Variants in ELAVL2 observed in about 807,000 individuals in gnomAD.
ELAVL2 encodes the protein ELAV-like protein 2.
In ELAVL2, 4 loss-of-function variants were observed where a neutral mutation model predicts 34.6. That is an observed-to-expected ratio of 0.12 (90% confidence interval 0.06 to 0.26). The LOEUF is 0.26. Among genes scored for constraint, ELAVL2 ranks in the 10% least tolerant of loss-of-function variants. ELAVL2 has a pLI of 1.00. For synonymous variants in ELAVL2, 193 were observed against 154.8 expected (o/e 1.25, Z -1.83); for missense variants, 432 against 442.8 (o/e 0.98, Z 0.22).
chr9:23,759,739 A>G (rs990905538), intron 2 of ELAVL2, among the ~76,000 whole-genome samples: 5 of 117,978 alleles, frequency 4.2e-5, no homozygotes, highest in African/African-American at 1.7e-4. Context: ...ATATGTGTAT[A>G]CATCATATAT....
intron 1 of ELAVL2, among the ~76,000 whole-genome samples, chr9:23,784,442 T>TA (rs2059443339): frequency 6.6e-6 from 1 of 152,162 alleles, no homozygotes; most frequent in Non-Finnish European, 1.5e-5. Flanking sequence ...CATGACTACA[T>TA]ATATGTAATA....
chr9:23,803,428 GTTTTTCAC>G (rs2061811379), intron 1 of ELAVL2, among the ~76,000 whole-genome samples: 1 of 152,184 alleles, frequency 6.6e-6, no homozygotes, highest in East Asian at 1.9e-4. Context: ...GCCAGAAGCA[GTTTTTCAC>G]TTTCATTTGG....
intron 2 of ELAVL2, among the ~76,000 whole-genome samples, chr9:23,755,734 T>C (rs1053517639): frequency 2.6e-5 from 4 of 152,132 alleles, no homozygotes; most frequent in African/African-American, 9.7e-5. Flanking sequence ...CCTACAGACC[T>C]AAGAACACAC....
intron 2 of ELAVL2, among the ~76,000 whole-genome samples, chr9:23,752,063 T>G (rs2052204797): frequency 6.6e-6 from 1 of 152,160 alleles, no homozygotes; most frequent in African/African-American, 2.4e-5. Context: ...ACAACAGATC[T>G]ACTTCAAGAT....
chr9:23,704,656 T>A (rs1210194607), intron 4 of ELAVL2, among the ~76,000 whole-genome samples: 2 of 152,148 alleles, frequency 1.3e-5, no homozygotes, highest in African/African-American at 2.4e-5. Context: ...GATTATAGCA[T>A]CTATAAATTT....
chr9:23,786,020 T>C (rs72693558), intron 1 of ELAVL2, among the ~76,000 whole-genome samples: 20,124 of 152,174 alleles, frequency 0.13, 1,720 homozygotes, highest in South Asian at 0.25. Context: ...GATGCTACAT[T>C]CTATTTTGTA....
rs1161049145 is a variant in ELAVL2, at chr9:23,691,264, T to A, written c.*1293A>T. 5 of 152,420 alleles carry A rather than the reference T, an allele frequency of 3.3e-5. No homozygotes were observed. Among genetic ancestry groups the A allele is most frequent in the African/African-American group, 4.8e-5 (2 of 41,380 alleles). The allele number at this position is 152,420 out of a possible 1,614,324, so 9.4% of individuals were successfully genotyped here. On this transcript the variant is annotated 3_prime_UTR_variant, in exon 7 of 7. Coordinates refer to ENST00000397312, the MANE Select transcript of ELAVL2 (RefSeq NM_004432.5). ...CACTTGGCATGTAAGGGAAAAAAAATTAAATTAGCTGAAAGGTTCATAAAC... is the reference window on the plus strand; with the variant it reads ...CACTTGGCATGTAAGGGAAAAAAAAATAAATTAGCTGAAAGGTTCATAAAC...
intron 2 of ELAVL2, among the ~76,000 whole-genome samples, chr9:23,749,247 C>CT (rs1445072364): frequency 1.3e-5 from 2 of 152,016 alleles, no homozygotes; most frequent in African/African-American, 4.8e-5. Flanking sequence ...ATCTAACATA[C>CT]TATCATTAAT....
At chr9:23,847,006 A>C in the ELAVL2 span, among the ~76,000 whole-genome samples, 1 of 152,114 alleles carries the variant, frequency 6.6e-6, no homozygotes, top group Non-Finnish European at 1.5e-5. Context: ...TAGGTGAAAT[A>C]AAAGCTACCA....
At chr9:23,746,349 T>C (rs1389181426) in intron 2 of ELAVL2, among the ~76,000 whole-genome samples, 3 of 152,074 alleles carry the variant, frequency 2.0e-5, no homozygotes, top group African/African-American at 7.2e-5. Flanking sequence ...AGATAAAAAA[T>C]ATGAATTACA....
At chr9:23,797,757 C>A (rs1438992289) in intron 1 of ELAVL2, among the ~76,000 whole-genome samples, 1 of 151,974 alleles carries the variant, frequency 6.6e-6, no homozygotes, top group Non-Finnish European at 1.5e-5. Context: ...GAGAAAACCC[C>A]GCCTCTGCTA....
At chr9:23,799,822 T>G (rs1227616568) in intron 1 of ELAVL2, among the ~76,000 whole-genome samples, 2 of 152,308 alleles carry the variant, frequency 1.3e-5, no homozygotes, top group East Asian at 3.9e-4. Context: ...CTGAAAGGGC[T>G]CTATTTACCA....
chr9:23,841,532 A>C, the ELAVL2 span, among the ~76,000 whole-genome samples: 1 of 152,230 alleles, frequency 6.6e-6, no homozygotes, highest in Non-Finnish European at 1.5e-5. Context: ...GGGCTCATTG[A>C]GACAATACTT....
chr9:23,699,570 A>G (rs545874772), intron 5 of ELAVL2, among the ~76,000 whole-genome samples: 1 of 152,360 alleles, frequency 6.6e-6, no homozygotes, highest in East Asian at 1.9e-4. Context: ...TAACTGGACA[A>G]GCTGCCTAGG....
intron 1 of ELAVL2, among the ~76,000 whole-genome samples, chr9:23,786,822 A>G (rs1208494810): frequency 6.6e-6 from 1 of 150,764 alleles, no homozygotes; most frequent in Non-Finnish European, 1.5e-5. Context: ...GAGAAAGGAA[A>G]GCCTTTTAAA....
intron 1 of ELAVL2, among the ~76,000 whole-genome samples, chr9:23,789,387 T>G (rs575938241): frequency 3.9e-5 from 6 of 152,296 alleles, no homozygotes; most frequent in African/African-American, 9.6e-5. Context: ...TTTATTAAAT[T>G]TATGCTACAT....
At chr9:23,752,773 C>T (rs767414756) in intron 2 of ELAVL2, among the ~76,000 whole-genome samples, 143 of 152,230 alleles carry the variant, frequency 9.4e-4, no homozygotes, top group South Asian at 4.1e-4. Context: ...CTTATAAACA[C>T]AGCTTAAATA....
intron 1 of ELAVL2, among the ~76,000 whole-genome samples, chr9:23,795,497 C>A (rs1266730269): frequency 6.6e-6 from 1 of 152,232 alleles, no homozygotes; most frequent in Non-Finnish European, 1.5e-5. Flanking sequence ...GAGCCGAGAT[C>A]ACGCCACTGC....
At chr9:23,837,426 T>A in the ELAVL2 span, among the ~76,000 whole-genome samples, 2 of 152,194 alleles carry the variant, frequency 1.3e-5, no homozygotes, top group Non-Finnish European at 2.9e-5. Flanking sequence ...ACTTCATGAT[T>A]CCCAGGAGAA....
Sources: gnomAD v4.1 joint callset for allele counts (sites outside exome capture counted in the v4.1 genomes callset) on GRCh38, gnomAD v4.1.1 for gene constraint, MANE v1.5 for transcripts, NCBI Gene and HGNC (gene_info 2026-07-23, HGNC 2026-07-21) for gene names.